RIPOR3: variants seen among roughly 807,000 people sequenced by gnomAD.
RIPOR3 encodes the protein RIPOR family member 3, also known as family with sequence similarity 65 member C.
Under a neutral mutation model 114.3 loss-of-function variants are expected in RIPOR3, and 95 were observed. That is an observed-to-expected ratio of 0.83 (90% CI 0.70 to 0.99). RIPOR3 has a LOEUF of 0.99. Among genes scored for constraint, RIPOR3 ranks in the 50% least tolerant of loss-of-function variants. The pLI is 0.00. For missense variants in RIPOR3, 1,252 were observed against 1,266.9 expected (o/e 0.99, Z 0.18); for synonymous variants, 575 against 543.8 (o/e 1.06, Z -0.80).
rs541385430 is a variant in RIPOR3, at chr20:50,678,616, C to T, written c.3+12510G>A. Among the ~76,000 whole-genome samples the T allele has an allele frequency of 5.3e-5, 8 of 152,322 alleles. No individual in the cohort carries two copies. The South Asian group carries it at 1.7e-3, about 32-fold the overall frequency. On this transcript the variant is annotated intron_variant, in intron 1 of 21. Transcript: ENST00000327979. ...GTGATCACAAAAGATCGGAACTGAT[C>T]TCACGTCCATCATCAGGGGACTGGA...
intron 1 of RIPOR3, among the ~76,000 whole-genome samples, chr20:50,666,090 T>G (rs1282886682): frequency 1.3e-5 from 2 of 151,390 alleles, no homozygotes; most frequent in Non-Finnish European, 2.9e-5. Context: ...AAGGAAGGGT[T>G]TATTAACATG....
At chr20:50,646,166 C>T (rs920499016) in intron 1 of RIPOR3, among the ~76,000 whole-genome samples, 9 of 151,782 alleles carry the variant, frequency 5.9e-5, no homozygotes, top group African/African-American at 2.2e-4. Context: ...CTCACTATGT[C>T]GCCCAGGCTG....
chr20:50,615,073 AAAAC>A (rs753788462), intron 4 of RIPOR3, among the ~76,000 whole-genome samples: 359 of 151,302 alleles, frequency 2.4e-3, no homozygotes, highest in African/African-American at 8.0e-3. Context: ...AAAACAAAAC[AAAAC>A]AAACAAATTT....
chr20:50,602,586 G>C lies in RIPOR3; in HGVS notation c.1145C>G (p.Ser382Cys), dbSNP rs374867849. Reference protein sequence around the residue: ...ALLLGGPRATSILSYLSDSDL... With the variant: ...ALLLGGPRATCILSYLSDSDL... Reference sequence around the variant, plus strand: ...GCTGTCAGACAGGTAGCTGAGGATGGAGGTGGCCCTTGGGCCACCCAGCAG... The same window carrying C: ...GCTGTCAGACAGGTAGCTGAGGATGCAGGTGGCCCTTGGGCCACCCAGCAG... Residue 382 changes from serine (S) to cysteine (C), a missense_variant, in exon 13 of 22, where the codon TCC (serine) becomes TGC (cysteine). Ser to Cys is a moderately radical substitution (Grantham distance 112). Coordinates refer to ENST00000327979, the MANE Select transcript of RIPOR3 (RefSeq NM_001290268.2). The surrounding 1 kb of genome is among the most constrained non-coding windows in gnomAD (Gnocchi z 4.3). 184 of 1,521,458 alleles carry C rather than the reference G, an allele frequency of 1.2e-4. 3 individuals carry two copies. In the South Asian group the frequency reaches 2.3e-3, roughly 19 times the overall value. 94.2% of individuals were successfully genotyped at this position (1,521,458 alleles called of 1,614,324 possible).
At chr20:50,595,095 C>A in intron 16 of RIPOR3, 1 of 520,812 alleles carries the variant, frequency 1.9e-6, no homozygotes, top group Non-Finnish European at 3.5e-6. Flanking sequence ...CGTGCAGTGC[C>A]CTCCTCCTAT....
intron 1 of RIPOR3, among the ~76,000 whole-genome samples, chr20:50,639,178 G>A (rs1290596438): frequency 6.6e-6 from 1 of 151,798 alleles, no homozygotes; most frequent in East Asian, 1.9e-4. Flanking sequence ...GGTGGCAGAG[G>A]TTGCAGTGAG....
intron 2 of RIPOR3, among the ~76,000 whole-genome samples, chr20:50,629,888 TG>T (rs2084757672): frequency 6.6e-6 from 1 of 152,290 alleles, no homozygotes; most frequent in Non-Finnish European, 1.5e-5. Flanking sequence ...GACCCAACCC[TG>T]GGCCAGTTTT....
chr20:50,608,126 T>C (rs1274642478), intron 11 of RIPOR3, among the ~76,000 whole-genome samples: 1 of 152,052 alleles, frequency 6.6e-6, no homozygotes, highest in Non-Finnish European at 1.5e-5. Context: ...CCCCGGAAAG[T>C]GTCCCCCCAA....
intron 1 of RIPOR3, among the ~76,000 whole-genome samples, chr20:50,684,462 C>T (rs2086952350): frequency 6.6e-6 from 1 of 152,188 alleles, no homozygotes; most frequent in Non-Finnish European, 1.5e-5. Flanking sequence ...AGGCCTGGGC[C>T]CTGCAGGCCT....
Position 50,620,195 on chromosome 20 carries a change from G to A in RIPOR3, c.123-63C>T. The A allele has an allele frequency of 3.8e-6, 6 of 1,581,474 alleles. No homozygotes were observed. The South Asian group carries it at 6.8e-5, about 18-fold the overall frequency. ...GGGCCCTGACAAAGCCCTCCCCAGG[G>A]GCAGGCACTTTGGAAATAGTGACCA... On this transcript the variant is annotated intron_variant, in intron 2 of 21. Transcript: ENST00000327979.
intron 1 of RIPOR3, among the ~76,000 whole-genome samples, chr20:50,667,827 G>A (rs1202903056): frequency 1.3e-5 from 2 of 152,186 alleles, no homozygotes; most frequent in Non-Finnish European, 2.9e-5. Context: ...ACATAGACCT[G>A]GGACACGTGC....
intron 11 of RIPOR3, among the ~76,000 whole-genome samples, chr20:50,607,723 CAGCAGCTTTGTG>C (rs2083774389): frequency 6.6e-6 from 1 of 152,134 alleles, no homozygotes; most frequent in Non-Finnish European, 1.5e-5. Flanking sequence ...AGGGAGAGGG[CAGCAGCTTTGTG>C]ACCCCCAGCT....
intron 1 of RIPOR3, among the ~76,000 whole-genome samples, chr20:50,680,569 C>T (rs565946912): frequency 3.9e-5 from 6 of 152,244 alleles, no homozygotes; most frequent in Non-Finnish European, 7.3e-5. Context: ...GTATTGCAGA[C>T]GTGTCGTGTG....
chr20:50,622,755 T>C (rs1019057727), intron 2 of RIPOR3, among the ~76,000 whole-genome samples: 30 of 152,250 alleles, frequency 2.0e-4, no homozygotes, highest in African/African-American at 7.2e-4. Flanking sequence ...GGTCCTTTTA[T>C]CAAAGCAACT....
chr20:50,587,383 C>T, intron 21 of RIPOR3, 51 bp from the exon 22 acceptor site: 2 of 1,514,074 alleles, frequency 1.3e-6, no homozygotes, highest in Non-Finnish European at 1.8e-6. Flanking sequence ...CTTGGCACTT[C>T]CAACTCTCCT....
intron 3 of RIPOR3, among the ~76,000 whole-genome samples, chr20:50,619,268 G>C (rs532995662): frequency 4.7e-5 from 7 of 150,142 alleles, no homozygotes; most frequent in Non-Finnish European, 7.4e-5. Context: ...GCAAAACTCC[G>C]TCTCAAAAAA....
At chr20:50,635,441 C>T (rs1042457830) in intron 1 of RIPOR3, among the ~76,000 whole-genome samples, 2 of 152,082 alleles carry the variant, frequency 1.3e-5, no homozygotes, top group Admixed American at 6.6e-5. Flanking sequence ...ATCACTTGAG[C>T]CCAGGAGTTC....
At chr20:50,636,671 G>A (rs958287677) in intron 1 of RIPOR3, 3 of 985,386 alleles carry the variant, frequency 3.0e-6, no homozygotes, top group Admixed American at 6.2e-5. Context: ...GTTCAGACCC[G>A]GCTGGTGTGT....
At chr20:50,674,328 T>C (rs563500975) in intron 1 of RIPOR3, among the ~76,000 whole-genome samples, 9 of 152,008 alleles carry the variant, frequency 5.9e-5, no homozygotes, top group Non-Finnish European at 1.0e-4. Flanking sequence ...TCAGCTCACC[T>C]CTCTGGCCCT....
Sources: gnomAD v4.1 joint callset for allele counts (sites outside exome capture counted in the v4.1 genomes callset) on GRCh38, gnomAD v4.1.1 for gene constraint, Gnocchi (gnomAD v3.1) non-coding constraint, MANE v1.5 for transcripts, NCBI Gene and HGNC (gene_info 2026-07-23, HGNC 2026-07-21) for gene names.